The following TCF12 variants were observed in gnomAD, a reference collection of about 807,000 sequenced individuals.
TCF12 encodes the protein DNA-binding protein HTF4.
A neutral mutation model predicts 86.0 loss-of-function variants in TCF12; 45 were observed. The observed-to-expected ratio is 0.52, with a 90% CI of 0.41 to 0.67. The LOEUF (loss-of-function observed/expected upper bound fraction) is 0.67. Ranked by LOEUF, TCF12 falls within the 30% of genes least tolerant of loss-of-function variation. The pLI is 0.00. For missense variants in TCF12, 881 were observed against 859.9 expected (o/e 1.02, Z -0.31); for synonymous variants, 330 against 299.6 (o/e 1.10, Z -1.05).
At position 57,231,147 on chromosome 15, in the gene TCF12, T is replaced by G; in HGVS notation, c.580-5T>G. 6.2e-7 allele frequency: 1 copy of G among 1,601,290 alleles called. No individual in the cohort carries two copies. Among genetic ancestry groups the G allele is most frequent in the East Asian group, 2.2e-5 (1 of 44,716 alleles). ...TTTTAATTAAATGTGCTGTTTAATT[T>G]TAAGGTATATGCACCATCCCCAAAT... On this transcript the variant is annotated splice_region_variant and splice_polypyrimidine_tract_variant and intron_variant, in intron 8 of 20. Transcript: ENST00000333725.
At chr15:57,185,914 C>T (rs1485072332) in intron 6 of TCF12, among the ~76,000 whole-genome samples, 1 of 151,842 alleles carries the variant, frequency 6.6e-6, no homozygotes, top group Non-Finnish European at 1.5e-5. Flanking sequence ...AAAAGATCAA[C>T]AGAATTGACA....
intron 5 of TCF12, among the ~76,000 whole-genome samples, chr15:57,128,621 C>A (rs1353236752): frequency 6.6e-6 from 1 of 152,102 alleles, no homozygotes; most frequent in Non-Finnish European, 1.5e-5. Context: ...GTTGTGCAAC[C>A]ATCACCACTA....
intron 3 of TCF12, among the ~76,000 whole-genome samples, chr15:57,040,182 A>G (rs1245398061): frequency 6.6e-6 from 1 of 152,102 alleles, no homozygotes; most frequent in Non-Finnish European, 1.5e-5. Flanking sequence ...ATTCTTTTTT[A>G]TCTCCCCATT....
intron 3 of TCF12, among the ~76,000 whole-genome samples, chr15:56,967,884 G>A (rs1269828337): frequency 6.6e-6 from 1 of 152,060 alleles, no homozygotes; most frequent in Non-Finnish European, 1.5e-5. Context: ...AGCGAGTTAA[G>A]TAGAGGAAAT....
chr15:57,219,450 G>T lies in TCF12; in HGVS notation c.580-11702G>T, dbSNP rs1269498640. 7 of 1,549,836 alleles carry T rather than the reference G, an allele frequency of 4.5e-6. No individual in the cohort carries two copies. The African/African-American group carries it at 6.8e-5, about 15-fold the overall frequency. ...ATAGTACTGAAGACTTACTCCCTTT[G>T]CCTGTGTGGATATATGTCTTGGAGA... On this transcript the variant is annotated intron_variant, in intron 8 of 20. Transcript: ENST00000333725.
intron 5 of TCF12, among the ~76,000 whole-genome samples, chr15:57,163,658 A>G (rs1463659381): frequency 6.6e-6 from 1 of 152,244 alleles, no homozygotes; most frequent in African/African-American, 2.4e-5. Flanking sequence ...AGCTGTAATT[A>G]TGTAACTGTG....
chr15:56,941,685 CTT>C (rs111353408), intron 3 of TCF12, among the ~76,000 whole-genome samples: 8 of 143,342 alleles, frequency 5.6e-5, no homozygotes, highest in Admixed American at 1.4e-4. Context: ...TCTTCTTCTT[CTT>C]TTTTTTTTTT....
chr15:57,232,224 T>G, intron 9 of TCF12, 67 bp from the exon 10 acceptor site: 1 of 1,585,278 alleles, frequency 6.3e-7, no homozygotes, highest in Middle Eastern at 1.7e-4. Flanking sequence ...TGAATTTTTA[T>G]AAGCAACATC....
intron 5 of TCF12, among the ~76,000 whole-genome samples, chr15:57,137,624 C>T (rs2052646671): frequency 6.6e-6 from 1 of 152,288 alleles, no homozygotes; most frequent in East Asian, 1.9e-4. Context: ...GACTCTGCAA[C>T]TGCTATCTAG....
intron 12 of TCF12, among the ~76,000 whole-genome samples, chr15:57,239,695 G>T (rs1488945714): frequency 6.6e-6 from 1 of 152,056 alleles, no homozygotes; most frequent in African/African-American, 2.4e-5. Flanking sequence ...AAACATTAGA[G>T]AATTGTGGAT....
chr15:57,075,837 T>TCTG (rs758162950), intron 4 of TCF12, among the ~76,000 whole-genome samples: 1 of 108,580 alleles, frequency 9.2e-6, no homozygotes, highest in East Asian at 3.4e-4. Context: ...TCTCTCTCTT[T>TCTG]TCTTTCTTTC....
chr15:57,000,431 G>T (rs2566845), intron 3 of TCF12, among the ~76,000 whole-genome samples: 2 of 151,894 alleles, frequency 1.3e-5, no homozygotes, highest in African/African-American at 4.8e-5. Flanking sequence ...AATCTCAAAA[G>T]AAAGTGTTTT....
intron 3 of TCF12, among the ~76,000 whole-genome samples, chr15:56,991,081 C>T (rs1164402561): frequency 6.6e-6 from 1 of 152,134 alleles, no homozygotes; most frequent in Admixed American, 6.5e-5. Context: ...CAGACGCGAG[C>T]CACTGTGCCT....
chr15:56,978,958 G>A (rs2062752434), intron 3 of TCF12, among the ~76,000 whole-genome samples: 1 of 152,168 alleles, frequency 6.6e-6, no homozygotes, highest in Non-Finnish European at 1.5e-5. Flanking sequence ...AGTTTTAATT[G>A]TGTAAAATGT....
intron 12 of TCF12, among the ~76,000 whole-genome samples, chr15:57,240,439 C>T (rs2059564836): frequency 6.6e-6 from 1 of 152,180 alleles, no homozygotes; most frequent in South Asian, 2.1e-4. Flanking sequence ...ATTTCTCACT[C>T]ATCCATCCAC....
intron 5 of TCF12, among the ~76,000 whole-genome samples, chr15:57,150,871 G>GTCCC (rs766977327): frequency 0.22 from 10,546 of 48,688 alleles, 1,910 homozygotes; most frequent in South Asian, 0.27. Flanking sequence ...CTCCCCCTCT[G>GTCCC]TCCCTTCCTT....
chr15:57,153,011 C>T (rs2151468006), intron 5 of TCF12, among the ~76,000 whole-genome samples: 1 of 152,282 alleles, frequency 6.6e-6, no homozygotes, highest in South Asian at 2.1e-4. Context: ...TCTTCAGAAA[C>T]TTTGCAGGCA....
rs148268078 is a variant in TCF12 at position 57,252,832 on chromosome 15, T to C, written c.1260+340T>C. ...CCATATAAGTTACATGTGCTTTATATACTTAAGACAAAATTAAAACTTAAA... is the reference window on the plus strand; with the variant it reads ...CCATATAAGTTACATGTGCTTTATACACTTAAGACAAAATTAAAACTTAAA... On this transcript the variant is annotated intron_variant, in intron 15 of 20. Coordinates refer to ENST00000333725, the MANE Select transcript of TCF12 (RefSeq NM_207037.2). Among the ~76,000 whole-genome samples the C allele has an allele frequency of 2.5e-3, 388 of 152,208 alleles. 2 individuals are homozygous for C. The highest frequency in any genetic ancestry group is 0.01 in the Middle Eastern group (3 of 294).
intron 3 of TCF12, among the ~76,000 whole-genome samples, chr15:56,936,924 T>G (rs1431735933): frequency 4.6e-5 from 7 of 152,218 alleles, no homozygotes; most frequent in African/African-American, 1.7e-4. Flanking sequence ...AGATTTGATC[T>G]TTTTGCTCAG....
Sources: allele counts gnomAD v4.1 joint callset (sites outside exome capture counted in the v4.1 genomes callset), GRCh38; gene constraint gnomAD v4.1.1; transcripts MANE v1.5; gene names NCBI Gene and HGNC (gene_info 2026-07-23, HGNC 2026-07-21).